The following FAM107B variants were observed in gnomAD, a reference collection of about 807,000 sequenced individuals.
FAM107B encodes family with sequence similarity 107 member B, also known as protein FAM107B.
A neutral mutation model predicts 31.5 loss-of-function variants in FAM107B; 21 were observed. That is an observed-to-expected ratio of 0.67 (90% CI 0.47 to 0.96). The LOEUF (loss-of-function observed/expected upper bound fraction) is 0.96, where lower values mean the gene tolerates loss of function less well. Among genes scored for constraint, FAM107B ranks in the 40% least tolerant of loss-of-function variants. The pLI, the probability that FAM107B is intolerant of heterozygous loss-of-function variation, is 0.00. For synonymous variants in FAM107B, 157 were observed against 141.5 expected (o/e 1.11, Z -0.78); for missense variants, 452 against 377.1 (o/e 1.20, Z -1.64).
intron 2 of FAM107B, among the ~76,000 whole-genome samples, chr10:14,530,973 T>C (rs1027810772): frequency 6.6e-6 from 1 of 152,324 alleles, no homozygotes; most frequent in African/African-American, 2.4e-5. Context: ...CCTATCTTAC[T>C]GGAGTTTGTT....
chr10:14,551,397 G>A (rs1849249937), intron 2 of FAM107B, among the ~76,000 whole-genome samples: 1 of 152,056 alleles, frequency 6.6e-6, no homozygotes, highest in Non-Finnish European at 1.5e-5. Context: ...TGCCCGCCTT[G>A]GTCTCCCAAA....
At chr10:14,730,277 T>G (rs1297803028) in intron 1 of FAM107B, among the ~76,000 whole-genome samples, 1 of 152,214 alleles carries the variant, frequency 6.6e-6, no homozygotes, top group Non-Finnish European at 1.5e-5. Context: ...CACATGGGCA[T>G]CAGGATTTTT....
chr10:14,534,124 A>G (rs1052866481), intron 2 of FAM107B, among the ~76,000 whole-genome samples: 6 of 152,112 alleles, frequency 3.9e-5, no homozygotes, highest in Non-Finnish European at 8.8e-5. Context: ...GAGCTGGAAA[A>G]GGGGGTGCAC....
At chr10:14,724,198 T>C (rs2609824) in intron 1 of FAM107B, 186,743 of 403,106 alleles carry the variant, frequency 0.46, 45,182 homozygotes, top group African/African-American at 0.6. Context: ...ATTTGTGTCT[T>C]ATATTTAGGT....
At chr10:14,622,302 T>C (rs917491286) in intron 2 of FAM107B, among the ~76,000 whole-genome samples, 2 of 141,214 alleles carry the variant, frequency 1.4e-5, no homozygotes, top group African/African-American at 5.2e-5. Context: ...GGAGCTAGTA[T>C]GAGAGATTTT....
At chr10:14,718,309 C>T (rs1049260675) in intron 1 of FAM107B, among the ~76,000 whole-genome samples, 5 of 151,036 alleles carry the variant, frequency 3.3e-5, no homozygotes, top group Admixed American at 1.3e-4. Context: ...CTTTGGCAAT[C>T]CATCCTGAGC....
rs1320394102 is a variant in FAM107B, at chr10:14,620,043, T to C, written c.469+47591A>G. ...TTTTTTTTTTTTTTTTTTTTTGAGA[T>C]GGAGTCTCGCTCTGTCGCCAGGCTG... is the stretch of plus-strand genomic sequence containing the variant. On this transcript the variant is annotated intron_variant, in intron 2 of 4. Coordinates refer to ENST00000181796, the MANE Select transcript of FAM107B (RefSeq NM_031453.4). 5.7e-5 allele frequency among the ~76,000 whole-genome samples: 7 copies of C among 122,224 alleles called. No individual in the cohort carries two copies. In the South Asian group the frequency reaches 1.5e-3, roughly 26 times the overall value. The allele number at this position is 122,224 out of a possible 152,430, so 80.2% of individuals were successfully genotyped here.
chr10:14,624,038 C>T (rs1853088663), intron 2 of FAM107B, among the ~76,000 whole-genome samples: 1 of 152,074 alleles, frequency 6.6e-6, no homozygotes, highest in Non-Finnish European at 1.5e-5. Context: ...CACAATATAT[C>T]AGTTGTGTCA....
chr10:14,624,182 A>C (rs898357064), intron 2 of FAM107B, among the ~76,000 whole-genome samples: 15 of 152,228 alleles, frequency 9.9e-5, no homozygotes, highest in African/African-American at 3.6e-4. Context: ...GCTTTGAAAG[A>C]GATCTATTAA....
intron 1 of FAM107B, among the ~76,000 whole-genome samples, chr10:14,760,397 T>C (rs1350135670): frequency 1.3e-5 from 2 of 152,174 alleles, no homozygotes; most frequent in African/African-American, 4.8e-5. Flanking sequence ...TATACAGAAC[T>C]TTAAGCATTA....
rs576795365 is a variant in FAM107B at position 14,604,161 on chromosome 10, C to T, written c.469+63473G>A. 1.9e-4 allele frequency: 177 copies of T among 922,876 alleles called. 2 individuals are homozygous for T. In the South Asian group the frequency reaches 8.1e-3, roughly 42 times the overall value. 57.2% of individuals were successfully genotyped at this position (922,876 alleles called of 1,614,324 possible). A position where few individuals can be genotyped will look rare whatever the true frequency, so the allele number is the denominator to read the frequency against. ...CGCCCGCCGAGAGGGTCCCCGGAGC[C>T]GGGGTCGGGCAGGGCCGCCGCCCGC... is the stretch of plus-strand genomic sequence containing the variant. On this transcript the variant is annotated intron_variant, in intron 2 of 4. Coordinates refer to ENST00000181796, the MANE Select transcript of FAM107B (RefSeq NM_031453.4).
chr10:14,716,365 G>T (rs1258436095), intron 1 of FAM107B, among the ~76,000 whole-genome samples: 1 of 152,224 alleles, frequency 6.6e-6, no homozygotes, highest in Non-Finnish European at 1.5e-5. Flanking sequence ...CAGGGCAGCT[G>T]CTCACCGGCT....
intron 1 of FAM107B, among the ~76,000 whole-genome samples, chr10:14,760,548 C>G (rs1833022446): frequency 3.3e-5 from 5 of 149,604 alleles, no homozygotes; most frequent in Admixed American, 3.3e-4. Context: ...GCACTGGTCA[C>G]ATTAATGAGA....
chr10:14,701,398 C>T (rs775735907), intron 1 of FAM107B, among the ~76,000 whole-genome samples: 1 of 152,026 alleles, frequency 6.6e-6, no homozygotes, highest in South Asian at 2.1e-4. Context: ...GCATGCCCCA[C>T]CACCCCTGGC....
At chr10:14,551,691 GA>G (rs796540628) in intron 2 of FAM107B, among the ~76,000 whole-genome samples, 2,220 of 111,078 alleles carry the variant, frequency 0.02, 58 homozygotes, top group African/African-American at 0.065. Flanking sequence ...ATTAGCTCTG[GA>G]AAAAAAAATA....
At chr10:14,725,912 A>G (rs1257679571) in intron 1 of FAM107B, among the ~76,000 whole-genome samples, 1 of 130,082 alleles carries the variant, frequency 7.7e-6, no homozygotes, top group Non-Finnish European at 1.5e-5. Flanking sequence ...TGCAACCTTC[A>G]CCTCCCAGGT....
intron 2 of FAM107B, among the ~76,000 whole-genome samples, chr10:14,639,025 T>C (rs535644630): frequency 2.6e-5 from 4 of 151,964 alleles, no homozygotes; most frequent in African/African-American, 2.4e-5. Flanking sequence ...ACCCCATCTC[T>C]ATAAAAAATT....
intron 1 of FAM107B, among the ~76,000 whole-genome samples, chr10:14,720,967 T>C (rs535105243): frequency 6.6e-6 from 1 of 152,154 alleles, no homozygotes; most frequent in African/African-American, 2.4e-5. Context: ...TTACATTAGG[T>C]ATTTCTCCCA....
chr10:14,722,455 G>A (rs1238997191), intron 1 of FAM107B, among the ~76,000 whole-genome samples: 1 of 151,990 alleles, frequency 6.6e-6, no homozygotes, highest in African/African-American at 2.4e-5. Context: ...ATGGCTATTG[G>A]GTTGTTCCCT....
Sources: allele counts gnomAD v4.1 joint callset (sites outside exome capture counted in the v4.1 genomes callset), GRCh38; gene constraint gnomAD v4.1.1; transcripts MANE v1.5; gene names NCBI Gene and HGNC (gene_info 2026-07-23, HGNC 2026-07-21).